Variants in CSMD1 observed in about 807,000 individuals in gnomAD.
The protein encoded by CSMD1 is CUB and sushi domain-containing protein 1.
In CSMD1, 213 loss-of-function variants were observed where a neutral mutation model predicts 417.5. The ratio of observed to expected loss-of-function variants is 0.51; its 90% CI spans 0.46 to 0.57. CSMD1 has a LOEUF of 0.57. Among genes scored for constraint, CSMD1 ranks in the 20% least tolerant of loss-of-function variants. The pLI, the probability that CSMD1 is intolerant of heterozygous loss-of-function variation, is 0.00. For synonymous variants in CSMD1, 2,862 were observed against 1,736.8 expected (o/e 1.65, Z -16.11); for missense variants, 6,923 against 4,529.7 (o/e 1.53, Z -15.17).
intron 5 of CSMD1, among the ~76,000 whole-genome samples, chr8:3,785,004 G>C (rs976333426): frequency 2.0e-5 from 3 of 152,092 alleles, no homozygotes; most frequent in Non-Finnish European, 4.4e-5. Flanking sequence ...AGATTCTCTA[G>C]CTAAACAGTT....
At chr8:3,439,281 G>GTGTGTATATATATA (rs1407744154) in intron 12 of CSMD1, among the ~76,000 whole-genome samples, 6 of 54,336 alleles carry the variant, frequency 1.1e-4, no homozygotes, top group African/African-American at 4.2e-4. Flanking sequence ...GGCAATGTCA[G>GTGTGTATATATATA]TATATATATA....
intron 37 of CSMD1, among the ~76,000 whole-genome samples, chr8:3,179,447 A>C (rs1243340185): frequency 1.3e-5 from 2 of 152,228 alleles, no homozygotes; most frequent in African/African-American, 4.8e-5. Context: ...TTGGATTCTC[A>C]AAGTTCATCT....
chr8:3,532,635 A>G (rs573011737), intron 10 of CSMD1, among the ~76,000 whole-genome samples: 1 of 152,312 alleles, frequency 6.6e-6, no homozygotes, highest in Admixed American at 6.5e-5. Context: ...AAAATTTTAC[A>G]TTCTATTACT....
chr8:4,051,982 A>G (rs1386729649), intron 3 of CSMD1, among the ~76,000 whole-genome samples: 1 of 150,328 alleles, frequency 6.7e-6, no homozygotes, highest in African/African-American at 2.5e-5. Context: ...CTGGAGTGCA[A>G]CAGTGTTATC....
intron 1 of CSMD1, among the ~76,000 whole-genome samples, chr8:4,812,645 A>C (rs929681836): frequency 6.6e-6 from 1 of 152,240 alleles, no homozygotes. Context: ...TCATTTAAAC[A>C]AAGATTCTTA....
intron 5 of CSMD1, among the ~76,000 whole-genome samples, chr8:3,962,893 T>G (rs1812424115): frequency 6.6e-6 from 1 of 152,188 alleles, no homozygotes; most frequent in Non-Finnish European, 1.5e-5. Flanking sequence ...AAGCCTGTTT[T>G]TATCATTATG....
intron 2 of CSMD1, among the ~76,000 whole-genome samples, chr8:4,527,264 T>C (rs540211946): frequency 6.6e-6 from 1 of 152,312 alleles, no homozygotes; most frequent in East Asian, 1.9e-4. Context: ...GGAGTCTTTT[T>C]TGTAGCATTT....
intron 2 of CSMD1, among the ~76,000 whole-genome samples, chr8:4,550,640 A>G (rs1039570058): frequency 3.3e-5 from 5 of 152,174 alleles, no homozygotes; most frequent in African/African-American, 1.2e-4. Context: ...TGGGATTTAA[A>G]AGGATCTCTA....
chr8:3,531,824 G>A (rs914202110), intron 10 of CSMD1, among the ~76,000 whole-genome samples: 1 of 152,208 alleles, frequency 6.6e-6, no homozygotes, highest in Non-Finnish European at 1.5e-5. Flanking sequence ...GATGCCAGCA[G>A]TTGCACAGAG....
At chr8:4,012,717 T>G (rs1169103374) in intron 4 of CSMD1, among the ~76,000 whole-genome samples, 1 of 152,198 alleles carries the variant, frequency 6.6e-6, no homozygotes, top group Non-Finnish European at 1.5e-5. Context: ...AATGTCTAAA[T>G]AGCAATCCAG....
chr8:4,676,002 A>G (rs188153950), intron 1 of CSMD1, among the ~76,000 whole-genome samples: 2 of 152,310 alleles, frequency 1.3e-5, no homozygotes, highest in East Asian at 1.9e-4. Flanking sequence ...CATTTGCTTT[A>G]CATTTGGCCT....
At chr8:3,756,948 A>T (rs924994677) in intron 5 of CSMD1, among the ~76,000 whole-genome samples, 3 of 152,098 alleles carry the variant, frequency 2.0e-5, no homozygotes, top group African/African-American at 7.2e-5. Flanking sequence ...TGTGCACACC[A>T]TATCTGGATA....
intron 40 of CSMD1, 136 bp downstream of exon 40, chr8:3,151,261 T>A: frequency 7.0e-6 from 4 of 573,620 alleles, no homozygotes; most frequent in Non-Finnish European, 1.2e-5. Context: ...TGCCAAAGCT[T>A]TATTTAAATC....
At position 4,882,724 on chromosome 8, in the gene CSMD1, T is replaced by G. The variant is rs180867023; in HGVS notation, c.85+111608A>C. 1.9e-4 allele frequency among the ~76,000 whole-genome samples: 29 copies of G among 151,964 alleles called. No homozygotes were observed. The East Asian group carries it at 5.0e-3, about 26-fold the overall frequency. ...CTCTGGGAACCAGACTAAAACACCT[T>G]TATAATATGTTATAATATTATAATA... On this transcript the variant is annotated intron_variant, in intron 1 of 69. Coordinates refer to ENST00000635120, the MANE Select transcript of CSMD1 (RefSeq NM_033225.6).
intron 60 of CSMD1, 115 bp downstream of exon 60, chr8:2,963,107 G>T: frequency 8.8e-7 from 1 of 1,130,610 alleles, no homozygotes; most frequent in South Asian, 1.4e-5. Flanking sequence ...GTGTATTTTA[G>T]GGCTATTATT....
chr8:4,661,683 C>A (rs1472162395), intron 1 of CSMD1, among the ~76,000 whole-genome samples: 1 of 152,132 alleles, frequency 6.6e-6, no homozygotes. Flanking sequence ...TTGTTTACAA[C>A]TTCATGGGAA....
chr8:3,699,817 A>G (rs947297674), intron 7 of CSMD1, among the ~76,000 whole-genome samples: 1 of 152,136 alleles, frequency 6.6e-6, no homozygotes, highest in Non-Finnish European at 1.5e-5. Context: ...TTGAAGAAAA[A>G]CATGAGCACC....
chr8:4,007,165 C>G lies in CSMD1; in HGVS notation c.611-9055G>C, dbSNP rs1458995482. ...GACTTTTACTATTTCTCAGTGAAAT[C>G]AAGCACTGATGCCCACTTTCATAGA... is the stretch of plus-strand genomic sequence containing the variant. On this transcript the variant is annotated intron_variant, in intron 4 of 69. Coordinates refer to ENST00000635120, the MANE Select transcript of CSMD1 (RefSeq NM_033225.6). Among the ~76,000 whole-genome samples, 12 of 152,126 alleles carry G rather than the reference C, an allele frequency of 7.9e-5. 1 individual carries two copies. Among genetic ancestry groups the G allele is most frequent in the Non-Finnish European group, 1.8e-4 (12 of 68,030 alleles).
intron 5 of CSMD1, among the ~76,000 whole-genome samples, chr8:3,846,127 A>G (rs970951468): frequency 6.6e-6 from 1 of 152,146 alleles, no homozygotes; most frequent in African/African-American, 2.4e-5. Context: ...ATAAACCAGT[A>G]CCATGGTTGT....
Sources: gnomAD v4.1 joint callset for allele counts (sites outside exome capture counted in the v4.1 genomes callset) on GRCh38, gnomAD v4.1.1 for gene constraint, MANE v1.5 for transcripts, NCBI Gene and HGNC (gene_info 2026-07-23, HGNC 2026-07-21) for gene names.